Variants in ZEB1 observed in about 807,000 individuals in gnomAD.
ZEB1 encodes zinc finger E-box-binding homeobox 1.
A neutral mutation model predicts 84.9 loss-of-function variants in ZEB1; 21 were observed. That is an observed-to-expected ratio of 0.25 (90% CI 0.18 to 0.36). ZEB1 has a LOEUF of 0.36. ZEB1 is among the 10% of genes least tolerant of loss of function. The pLI, the probability that ZEB1 is intolerant of heterozygous loss-of-function variation, is 1.00. For missense variants in ZEB1, 1,104 were observed against 1,330.2 expected (o/e 0.83, Z 2.65); for synonymous variants, 420 against 471.1 (o/e 0.89, Z 1.41).
chr10:31,402,362 A>G (rs1052987151), intron 1 of ZEB1, among the ~76,000 whole-genome samples: 9 of 152,094 alleles, frequency 5.9e-5, no homozygotes, highest in Non-Finnish European at 1.3e-4. Flanking sequence ...TGAGTGGCTA[A>G]AGAATAGCGA....
chr10:31,396,258 A>G (rs903935089), intron 1 of ZEB1, among the ~76,000 whole-genome samples: 3 of 152,206 alleles, frequency 2.0e-5, no homozygotes, highest in Admixed American at 6.5e-5. Flanking sequence ...ATAGCCTAAG[A>G]TGATGATGGT....
intron 1 of ZEB1, among the ~76,000 whole-genome samples, chr10:31,400,897 A>G (rs2051856995): frequency 6.6e-6 from 1 of 152,060 alleles, no homozygotes; most frequent in South Asian, 2.1e-4. Context: ...TGATTTAAAT[A>G]GAGTCATAAT....
At chr10:31,381,561 G>A (rs1193810312) in intron 1 of ZEB1, among the ~76,000 whole-genome samples, 1 of 152,136 alleles carries the variant, frequency 6.6e-6, no homozygotes, top group Non-Finnish European at 1.5e-5. Context: ...AAAATTTCTA[G>A]TGATTTATTT....
intron 3 of ZEB1, among the ~76,000 whole-genome samples, chr10:31,498,390 T>C (rs1053503579): frequency 3.9e-5 from 6 of 152,046 alleles, no homozygotes; most frequent in Non-Finnish European, 8.8e-5. Context: ...AGAAGAGCTT[T>C]TCTGACCCTA....
chr10:31,371,628 CTG>C (rs2134447041), intron 1 of ZEB1, among the ~76,000 whole-genome samples: 1 of 152,264 alleles, frequency 6.6e-6, no homozygotes, highest in African/African-American at 2.4e-5. Flanking sequence ...CTATCCATTT[CTG>C]TGTCTTTATG....
chr10:31,413,108 T>C (rs2054601390), intron 1 of ZEB1, among the ~76,000 whole-genome samples: 1 of 152,108 alleles, frequency 6.6e-6, no homozygotes. Flanking sequence ...GAAGCATTAG[T>C]TCTACACCTC....
intron 1 of ZEB1, among the ~76,000 whole-genome samples, chr10:31,329,437 A>G (rs192318984): frequency 6.6e-6 from 1 of 152,220 alleles, no homozygotes; most frequent in East Asian, 1.9e-4. Flanking sequence ...CCTGCAGTGG[A>G]ACTATTAACT....
intron 1 of ZEB1, among the ~76,000 whole-genome samples, chr10:31,351,392 AAAT>A (rs751620872): frequency 2.2e-4 from 34 of 152,262 alleles, no homozygotes; most frequent in Non-Finnish European, 4.6e-4. Context: ...TTACTAGACT[AAAT>A]AACTTTTCAG....
At chr10:31,322,032 T>G (rs1314925831) in intron 1 of ZEB1, 2 of 175,658 alleles carry the variant, frequency 1.1e-5, no homozygotes, top group Non-Finnish European at 2.5e-5. Flanking sequence ...GTCTGCAGTA[T>G]GCATTACTCT....
At chr10:31,458,194 T>G (rs1013004303) in intron 1 of ZEB1, among the ~76,000 whole-genome samples, 1 of 152,134 alleles carries the variant, frequency 6.6e-6, no homozygotes, top group Non-Finnish European at 1.5e-5. Context: ...TAATTTTAGC[T>G]TGTCATATAT....
chr10:31,412,315 G>A (rs1022907978), intron 1 of ZEB1, among the ~76,000 whole-genome samples: 4 of 151,972 alleles, frequency 2.6e-5, no homozygotes, highest in African/African-American at 9.7e-5. Flanking sequence ...CAACATGCAG[G>A]TTTGTTACAT....
intron 2 of ZEB1, among the ~76,000 whole-genome samples, chr10:31,469,345 G>A (rs2062860467): frequency 6.6e-6 from 1 of 152,200 alleles, no homozygotes; most frequent in Non-Finnish European, 1.5e-5. Flanking sequence ...GCACAGGTCA[G>A]TGGGTGCGCG....
rs187638675 is a variant in ZEB1 at position 31,409,332 on chromosome 10, G to A, written c.59-51705G>A. Reference sequence around the variant, plus strand: ...ACTAGTTCAACCATTGTGGAAGTCAGTGTGGCGATTCCTCAGGGATCTAGA... The same window carrying A: ...ACTAGTTCAACCATTGTGGAAGTCAATGTGGCGATTCCTCAGGGATCTAGA... On this transcript the variant is annotated intron_variant, in intron 1 of 8. Transcript: ENST00000424869. Among the ~76,000 whole-genome samples the A allele has an allele frequency of 2.0e-3, 311 of 152,294 alleles. 2 individuals carry two copies. The highest frequency in any genetic ancestry group is 5.6e-3 in the African/African-American group (234 of 41,558).
intron 1 of ZEB1, among the ~76,000 whole-genome samples, chr10:31,392,418 C>T (rs959276508): frequency 6.6e-6 from 1 of 152,014 alleles, no homozygotes; most frequent in Non-Finnish European, 1.5e-5. Context: ...AGGTTCTGAA[C>T]CCTAGTTAAA....
At chr10:31,374,323 C>T (rs2046237655) in intron 1 of ZEB1, among the ~76,000 whole-genome samples, 1 of 151,752 alleles carries the variant, frequency 6.6e-6, no homozygotes, top group African/African-American at 2.4e-5. Flanking sequence ...GCTCTTGTGA[C>T]AAGCACCCAG....
At chr10:31,419,998 G>A (rs911327438) in intron 1 of ZEB1, among the ~76,000 whole-genome samples, 1 of 152,108 alleles carries the variant, frequency 6.6e-6, no homozygotes, top group African/African-American at 2.4e-5. Flanking sequence ...GTGAAGATGA[G>A]ATCTCTTAAC....
chr10:31,514,586 C>T lies in ZEB1; in HGVS notation c.688-17C>T. 1 of 1,604,836 alleles carries T rather than the reference C, an allele frequency of 6.2e-7. No homozygotes were observed. The highest frequency in any genetic ancestry group is 1.1e-5 in the South Asian group (1 of 90,724). ...ATCTTTTGCTTTTCAAATAAAATACCAGTTCTTTTCTTACAGAGACATGTG... is the reference window on the plus strand; with the variant it reads ...ATCTTTTGCTTTTCAAATAAAATACTAGTTCTTTTCTTACAGAGACATGTG... On this transcript the variant is annotated splice_polypyrimidine_tract_variant and intron_variant, in intron 5 of 8. Transcript: ENST00000424869.
At chr10:31,389,753 G>A (rs1590730599) in intron 1 of ZEB1, 1 of 152,146 alleles carries the variant, frequency 6.6e-6, no homozygotes, top group East Asian at 1.9e-4. Context: ...GGCAAAATTA[G>A]TTTTCATTAC....
intron 2 of ZEB1, among the ~76,000 whole-genome samples, chr10:31,466,276 T>C (rs1591566216): frequency 6.6e-6 from 1 of 152,200 alleles, no homozygotes; most frequent in Admixed American, 6.5e-5. Flanking sequence ...GGACCTGATA[T>C]ACAGAACATT....
Sources: gnomAD v4.1 joint callset for allele counts (sites outside exome capture counted in the v4.1 genomes callset) on GRCh38, gnomAD v4.1.1 for gene constraint, MANE v1.5 for transcripts, NCBI Gene and HGNC (gene_info 2026-07-23, HGNC 2026-07-21) for gene names.